CELA3A: variants seen among roughly 807,000 people sequenced by gnomAD.
CELA3A encodes chymotrypsin-like elastase family member 3A.
A neutral mutation model predicts 38.6 loss-of-function variants in CELA3A; 35 were observed. The ratio of observed to expected loss-of-function variants is 0.91; its 90% CI spans 0.69 to 1.20. CELA3A has a LOEUF of 1.20. Among genes scored for constraint, CELA3A ranks in the 50% most tolerant of loss-of-function variants. CELA3A has a pLI of 0.00. For synonymous variants in CELA3A, 143 were observed against 136.7 expected (o/e 1.05, Z -0.32); for missense variants, 343 against 354.2 (o/e 0.97, Z 0.25).
Position 22,002,527 on chromosome 1 carries a change from G to T in CELA3A, c.44-476G>T, listed in dbSNP as rs577942896. On this transcript the variant is annotated intron_variant, in intron 1 of 7. Transcript: ENST00000290122. ...TATTTTATTGTACTTTATTTTTCTA[G>T]AGATGAGGTCTTGCTATGTTGCCCA... 6.2e-4 allele frequency: 283 copies of T among 454,964 alleles called. 2 individuals carry two copies. The highest frequency in any genetic ancestry group is 5.1e-3 in the African/African-American group (251 of 49,408). 28.2% of individuals were successfully genotyped at this position (454,964 alleles called of 1,614,324 possible). A position where few individuals can be genotyped will look rare whatever the true frequency, so the allele number is the denominator to read the frequency against.
rs147698684 is a variant in CELA3A at position 22,005,782 on chromosome 1, G to C, written c.348G>C (p.Ser116=). Residue 116 remains serine, a synonymous_variant, in exon 4 of 8, where the codon TCG becomes TCC. Coordinates refer to ENST00000290122, the MANE Select transcript of CELA3A (RefSeq NM_005747.5). ...ELFVHPLWNR[S]CVACGNDIAL... is the part of the protein sequence containing the mutation. The stretch of plus-strand genomic sequence containing the variant: ...TTGTGCATCCACTCTGGAACCGCTC[G>C]TGTGTGGCCTGTGGGTGAGTGAATG... 5.6e-6 allele frequency: 9 copies of C among 1,611,490 alleles called. No homozygotes were observed. The highest frequency in any genetic ancestry group is 2.7e-5 in the African/African-American group (2 of 74,362).
rs1477896241 is a variant in CELA3A at position 22,003,004 on chromosome 1, C to T, written c.45C>T (p.Ala15=). Reference sequence around the variant, plus strand: ...TGACAGCTCTCCTCTCCCCTCTAGCCTCAGGCTATGGCCCACCTTCCTCTC... The same window carrying T: ...TGACAGCTCTCCTCTCCCCTCTAGCTTCAGGCTATGGCCCACCTTCCTCTC... ...LLSSLLLVAV[A]SGYGPPSSHS... is the part of the protein sequence containing the mutation. Residue 15 remains alanine (A), a splice_region_variant and synonymous_variant, in exon 2 of 8, where the codon GCC becomes GCT. Transcript: ENST00000290122. 3.8e-6 allele frequency: 6 copies of T among 1,578,114 alleles called. 1 individual carries two copies. Among genetic ancestry groups the T allele is most frequent in the African/African-American group, 3.2e-5 (2 of 62,144 alleles).
chr1:22,002,207 G>A (rs1242501559), intron 1 of CELA3A, among the ~76,000 whole-genome samples: 1 of 151,158 alleles, frequency 6.6e-6, no homozygotes, highest in African/African-American at 2.5e-5. Flanking sequence ...TACTATGCCA[G>A]GCAGAATGTT....
At position 22,005,691 on chromosome 1, in the gene CELA3A, G is replaced by T. The variant is rs1362569758; in HGVS notation, c.257G>T (p.Gly86Val). 1.9e-6 allele frequency: 3 copies of T among 1,612,458 alleles called. No individual in the cohort carries two copies. The highest frequency in any genetic ancestry group is 2.5e-6 in the Non-Finnish European group (3 of 1,179,470). The change falls in exon 4 of 8, where the codon GGT (glycine) becomes GTT (valine). Residue 86 changes from glycine to valine, a missense_variant. Physicochemically the swap from Gly to Val is moderately radical, Grantham distance 109. Transcript: ENST00000290122. Reference protein sequence around the residue: ...SRDLTYQVVLGEYNLAVKEGP... With the variant: ...SRDLTYQVVLVEYNLAVKEGP... ...GATCTGACCTACCAGGTGGTGTTGG[G>T]TGAGTACAACCTTGCTGTGAAGGAG...
intron 7 of CELA3A, among the ~76,000 whole-genome samples, chr1:22,010,471 G>C (rs952323007): frequency 2.6e-5 from 4 of 150,950 alleles, no homozygotes; most frequent in Non-Finnish European, 5.9e-5. Context: ...ACAAAAATTA[G>C]CCGGGCATGG....
rs140810320 is a variant in CELA3A at position 22,006,887 on chromosome 1, C to G, written c.372C>G (p.Ile124Met). The G allele has an allele frequency of 6.8e-6, 11 of 1,612,052 alleles. 2 individuals are homozygous for G. The African/African-American group carries it at 1.3e-4, about 20-fold the overall frequency. ...NRSCVACGND[I>M]ALIKLSRSAQ... ...GTTCCCTCCTCCCCAGCAATGACAT[C>G]GCCCTCATCAAGCTCTCACGCAGCG... The change falls in exon 5 of 8, where the codon ATC becomes ATG. Residue 124 changes from isoleucine to methionine, a missense_variant. Coordinates refer to ENST00000290122, the MANE Select transcript of CELA3A (RefSeq NM_005747.5).
intron 2 of CELA3A, among the ~76,000 whole-genome samples, 155 bp downstream of exon 2, chr1:22,003,243 A>T (rs918458005): frequency 3.3e-5 from 5 of 150,930 alleles, no homozygotes; most frequent in Admixed American, 2.6e-4. Flanking sequence ...CTTCACGGGG[A>T]GGTTTTGCCC....
Position 22,006,920 on chromosome 1 carries a change from G to T in CELA3A, c.405G>T (p.Leu135=). ...ALIKLSRSAQ[L]GDAVQLASLP... ...TCAAGCTCTCACGCAGCGCCCAGCT[G>T]GGAGATGCCGTCCAGCTCGCCTCAC... Residue 135 remains leucine (L), a synonymous_variant, in exon 5 of 8, where the codon CTG becomes CTT. Transcript: ENST00000290122. 1.2e-6 allele frequency: 2 copies of T among 1,612,378 alleles called. No homozygotes were observed. Among genetic ancestry groups the T allele is most frequent in the Non-Finnish European group, 1.7e-6 (2 of 1,179,454 alleles).
intron 2 of CELA3A, among the ~76,000 whole-genome samples, chr1:22,005,033 A>T (rs1186274786): frequency 4.7e-5 from 7 of 150,012 alleles, no homozygotes; most frequent in Non-Finnish European, 8.9e-5. Context: ...CGGGAGGCGG[A>T]GGTTGAAATG....
intron 7 of CELA3A, chr1:22,010,524 G>A: frequency 4.7e-6 from 1 of 212,020 alleles, no homozygotes; most frequent in East Asian, 1.4e-4. Flanking sequence ...GGCTCAGGCA[G>A]AGAATTGCTT....
In CELA3A at chr1:22,007,657, C is replaced by T. The variant is rs528174699; in HGVS notation, c.642+142C>T. 387 of 1,384,162 alleles carry T rather than the reference C, an allele frequency of 2.8e-4. 7 individuals carry two copies. The African/African-American group carries it at 5.2e-3, about 19-fold the overall frequency. 85.7% of individuals were successfully genotyped at this position (1,384,162 alleles called of 1,614,324 possible). On this transcript the variant is annotated intron_variant, in intron 6 of 7. Transcript: ENST00000290122. ...CCAGGCAGGACTTGGAGGAAATCAG[C>T]GCAGTCCAGACACAGAGCCCAGGCC...
At chr1:22,008,726 T>C (rs534234165) in intron 6 of CELA3A, among the ~76,000 whole-genome samples, 1 of 149,812 alleles carries the variant, frequency 6.7e-6, no homozygotes, top group Non-Finnish European at 1.5e-5. Context: ...GCCACTGCAC[T>C]CCAACCTGGG....
Position 22,005,722 on chromosome 1 carries a change from C to G in CELA3A, c.288C>G (p.Pro96=). 3.1e-6 allele frequency: 5 copies of G among 1,612,374 alleles called. No individual in the cohort carries two copies. Among genetic ancestry groups the G allele is most frequent in the Non-Finnish European group, 4.2e-6 (5 of 1,179,456 alleles). Residue 96 remains proline (P), a synonymous_variant, in exon 4 of 8, where the codon CCC becomes CCG. Coordinates refer to ENST00000290122, the MANE Select transcript of CELA3A (RefSeq NM_005747.5). Reference sequence around the variant, plus strand: ...ACAACCTTGCTGTGAAGGAGGGCCCCGAGCAGGTGATCCCCATCAACTCTG... The same window carrying G: ...ACAACCTTGCTGTGAAGGAGGGCCCGGAGCAGGTGATCCCCATCAACTCTG... ...GEYNLAVKEG[P]EQVIPINSEE...
At chr1:22,005,267 G>A (rs1245856010) in intron 2 of CELA3A, among the ~76,000 whole-genome samples, 180 bp from the exon 3 acceptor site, 2 of 151,826 alleles carry the variant, frequency 1.3e-5, no homozygotes, top group Non-Finnish European at 2.9e-5. Flanking sequence ...AAAAGTGATA[G>A]GGCCACCACG....
intron 4 of CELA3A, among the ~76,000 whole-genome samples, chr1:22,006,567 G>C (rs1352715289): frequency 1.3e-5 from 2 of 150,288 alleles, no homozygotes; most frequent in Admixed American, 6.6e-5. Flanking sequence ...TCAGCCTTAA[G>C]AACGATTTGG....
chr1:22,007,782 C>G (rs1349356219), intron 6 of CELA3A, among the ~76,000 whole-genome samples: 3 of 151,306 alleles, frequency 2.0e-5, no homozygotes, highest in Admixed American at 1.3e-4. Context: ...CGCATCAGCA[C>G]AGCAGGAGAT....
In CELA3A at chr1:22,007,364, T is replaced by C; in HGVS notation, c.500-9T>C. ...CAGACCCCTGACTCGGTGCTTTTTA[T>C]CCTTGCAGCCAATGGGCCACTCCCA... On this transcript the variant is annotated splice_polypyrimidine_tract_variant and intron_variant, in intron 5 of 7. Coordinates refer to ENST00000290122, the MANE Select transcript of CELA3A (RefSeq NM_005747.5). 6.2e-7 allele frequency: 1 copy of C among 1,606,258 alleles called. No individual in the cohort carries two copies. Among genetic ancestry groups the C allele is most frequent in the Non-Finnish European group, 8.5e-7 (1 of 1,176,382 alleles).
chr1:22,003,630 A>G (rs12073339), intron 2 of CELA3A, among the ~76,000 whole-genome samples: 59,115 of 150,014 alleles, frequency 0.39, 13,917 homozygotes, highest in African/African-American at 0.59. Flanking sequence ...GCAGTGAGAC[A>G]AGATTGCACC....
chr1:22,004,775 C>G (rs1242476713), intron 2 of CELA3A, among the ~76,000 whole-genome samples: 1 of 150,676 alleles, frequency 6.6e-6, no homozygotes, highest in African/African-American at 2.5e-5. Flanking sequence ...CTTCAGAAGG[C>G]TCAAGAGGCC....
Sources: allele counts gnomAD v4.1 joint callset (sites outside exome capture counted in the v4.1 genomes callset), GRCh38; gene constraint gnomAD v4.1.1; transcripts MANE v1.5; gene names NCBI Gene and HGNC (gene_info 2026-07-23, HGNC 2026-07-21).